CLNK: variants seen among roughly 807,000 people sequenced by gnomAD.
CLNK encodes cytokine-dependent hematopoietic cell linker.
CLNK carries 74 observed loss-of-function variants against 68.6 expected under a neutral mutation model. The ratio of observed to expected loss-of-function variants is 1.08; its 90% CI spans 0.89 to 1.31. The LOEUF is 1.31. Ranked by LOEUF, CLNK falls within the 50% of genes most tolerant of loss-of-function variation. The pLI is 0.00. For missense variants in CLNK, 553 were observed against 515.3 expected, an observed-to-expected ratio of 1.07 and a Z score of -0.71; for synonymous variants, 198 against 172.2, an observed-to-expected ratio of 1.15 and a Z score of -1.17.
At chr4:10,523,555 C>T (rs1718170648) in intron 14 of CLNK, among the ~76,000 whole-genome samples, 1 of 151,790 alleles carries the variant, frequency 6.6e-6, no homozygotes, top group African/African-American at 2.4e-5. Context: ...AAGCAGCAGC[C>T]AGTTAAGAGA....
chr4:10,545,696 G>T (rs981811527), intron 8 of CLNK, among the ~76,000 whole-genome samples: 3 of 152,120 alleles, frequency 2.0e-5, no homozygotes, highest in African/African-American at 7.2e-5. Context: ...CTTTAGTGGG[G>T]GCTTTTTGCA....
chr4:10,691,843 G>A, the CLNK span, among the ~76,000 whole-genome samples: 1 of 152,154 alleles, frequency 6.6e-6, no homozygotes, highest in Admixed American at 6.5e-5. Flanking sequence ...AAACACCGCC[G>A]AGGAATCTCT....
chr4:10,588,687 T>A (rs775228248), intron 3 of CLNK, among the ~76,000 whole-genome samples: 1 of 152,184 alleles, frequency 6.6e-6, no homozygotes, highest in Non-Finnish European at 1.5e-5. Context: ...ATAGTTAATG[T>A]TTACAACTTG....
At chr4:10,601,337 G>A (rs1721584738) in intron 2 of CLNK, among the ~76,000 whole-genome samples, 1 of 152,132 alleles carries the variant, frequency 6.6e-6, no homozygotes, top group Non-Finnish European at 1.5e-5. Flanking sequence ...GGAGGAGGAG[G>A]TGTTCTTTCT....
chr4:10,566,416 C>T (rs1720118291), intron 5 of CLNK, among the ~76,000 whole-genome samples: 1 of 152,174 alleles, frequency 6.6e-6, no homozygotes, highest in South Asian at 2.1e-4. Context: ...TAATGAAGGT[C>T]ACTAATCAGC....
chr4:10,631,395 T>C (rs1722884468), intron 2 of CLNK, among the ~76,000 whole-genome samples: 1 of 152,146 alleles, frequency 6.6e-6, no homozygotes, highest in South Asian at 2.1e-4. Context: ...GGAGAGGAAA[T>C]ATTGCCTTTG....
the CLNK span, chr4:10,697,632 C>A: frequency 1.3e-5 from 2 of 152,170 alleles, no homozygotes; most frequent in Admixed American, 1.3e-4. Flanking sequence ...GCTTCTCATG[C>A]CAGAGTAGAC....
chr4:10,699,494 C>CTATATATATATA, the CLNK span, among the ~76,000 whole-genome samples: 15 of 56,986 alleles, frequency 2.6e-4, no homozygotes, highest in Admixed American at 1.6e-3. Context: ...CTCTCTCTCT[C>CTATATATATATA]TATATATATA....
At chr4:10,587,544 G>A (rs961532182) in intron 3 of CLNK, among the ~76,000 whole-genome samples, 2 of 152,158 alleles carry the variant, frequency 1.3e-5, no homozygotes, top group African/African-American at 4.8e-5. Flanking sequence ...AGGTCTCTTC[G>A]GTGTCTGGGA....
At chr4:10,721,597 T>C in the CLNK span, among the ~76,000 whole-genome samples, 1 of 152,234 alleles carries the variant, frequency 6.6e-6, no homozygotes, top group African/African-American at 2.4e-5. Flanking sequence ...GTTCATTTGC[T>C]GATGAAGTCA....
intron 12 of CLNK, among the ~76,000 whole-genome samples, chr4:10,530,944 A>G (rs1303723812): frequency 1.3e-5 from 2 of 152,224 alleles, no homozygotes; most frequent in Non-Finnish European, 2.9e-5. Flanking sequence ...TCAAGCAGTT[A>G]TCTATGTTAT....
chr4:10,728,815 G>A, the CLNK span, among the ~76,000 whole-genome samples: 4,532 of 151,812 alleles, frequency 0.03, 245 homozygotes, highest in African/African-American at 0.1. Flanking sequence ...TAGCCAGGAT[G>A]GTCTTGATCT....
chr4:10,692,949 G>C, the CLNK span, among the ~76,000 whole-genome samples: 1 of 152,330 alleles, frequency 6.6e-6, no homozygotes, highest in East Asian at 1.9e-4. Context: ...ATCAAGGTAT[G>C]GCTCCTGCAT....
chr4:10,536,280 G>A (rs1718757893), intron 11 of CLNK, among the ~76,000 whole-genome samples: 1 of 152,202 alleles, frequency 6.6e-6, no homozygotes, highest in African/African-American at 2.4e-5. Context: ...GACGGAGCAG[G>A]CACTCTCCTG....
chr4:10,728,269 A>G, the CLNK span, among the ~76,000 whole-genome samples: 1 of 152,184 alleles, frequency 6.6e-6, no homozygotes, highest in Non-Finnish European at 1.5e-5. Flanking sequence ...CTCCCCAAAA[A>G]CAATATTTGC....
intron 2 of CLNK, among the ~76,000 whole-genome samples, chr4:10,600,144 AC>A (rs1721537881): frequency 6.6e-6 from 1 of 150,926 alleles, no homozygotes. Flanking sequence ...TCTGGGCCCG[AC>A]CTTTTTTTTT....
chr4:10,594,983 ACTGGCTGGGGGG>A (rs1721330145), intron 3 of CLNK, among the ~76,000 whole-genome samples: 1 of 152,116 alleles, frequency 6.6e-6, no homozygotes. Flanking sequence ...AATCCCAGCT[ACTGGCTGGGGGG>A]CTGAGGCAGG....
intron 4 of CLNK, among the ~76,000 whole-genome samples, chr4:10,575,754 T>A (rs1458528191): frequency 6.6e-6 from 1 of 152,256 alleles, no homozygotes; most frequent in African/African-American, 2.4e-5. Flanking sequence ...TGATGGAAGC[T>A]GTTGGGTAAA....
intron 8 of CLNK, among the ~76,000 whole-genome samples, chr4:10,543,635 G>T (rs113831274): frequency 6.6e-6 from 1 of 152,190 alleles, no homozygotes; most frequent in African/African-American, 2.4e-5. Context: ...CTTGGTGAAA[G>T]GTCCAACTGG....
Sources: gnomAD v4.1 joint callset for allele counts (sites outside exome capture counted in the v4.1 genomes callset) on GRCh38, gnomAD v4.1.1 for gene constraint, MANE v1.5 for transcripts, NCBI Gene and HGNC (gene_info 2026-07-23, HGNC 2026-07-21) for gene names.